ARHGAP44: variants seen among roughly 807,000 people sequenced by gnomAD.
ARHGAP44 encodes the protein Rho GTPase activating protein 44, also known as rho GTPase-activating protein 44.
ARHGAP44 carries 43 observed loss-of-function variants against 106.8 expected under a neutral mutation model. That is an observed-to-expected ratio of 0.40 (90% confidence interval 0.32 to 0.52). The LOEUF (loss-of-function observed/expected upper bound fraction) is 0.52. ARHGAP44 is among the 20% of genes least tolerant of loss of function. The pLI is 0.48. For synonymous variants in ARHGAP44, 439 were observed against 410.3 expected, an observed-to-expected ratio of 1.07 and a Z score of -0.85; for missense variants, 866 against 1,050.5, an observed-to-expected ratio of 0.82 and a Z score of 2.43.
chr17:12,983,139 C>T (rs2039872984), intron 19 of ARHGAP44: 1 of 152,168 alleles, frequency 6.6e-6, no homozygotes, highest in Non-Finnish European at 1.5e-5. Flanking sequence ...GTGGCAGGCG[C>T]CTGTAGTCCC....
chr17:12,871,835 C>T (rs1002441138), intron 1 of ARHGAP44, among the ~76,000 whole-genome samples: 1 of 152,086 alleles, frequency 6.6e-6, no homozygotes, highest in Non-Finnish European at 1.5e-5. Flanking sequence ...GTGCCTGTTT[C>T]CCCTTCACCT....
intron 1 of ARHGAP44, among the ~76,000 whole-genome samples, chr17:12,793,640 G>C (rs1224829568): frequency 6.6e-6 from 1 of 152,008 alleles, no homozygotes; most frequent in Non-Finnish European, 1.5e-5. Flanking sequence ...CCCGGGAGGT[G>C]GAGGTTGCAG....
intron 1 of ARHGAP44, among the ~76,000 whole-genome samples, chr17:12,855,242 GATA>G (rs1296634263): frequency 1.3e-5 from 2 of 152,116 alleles, no homozygotes; most frequent in African/African-American, 4.8e-5. Context: ...CATCTCTAAA[GATA>G]ATAAATAAAT....
chr17:12,842,639 T>C (rs940348252), intron 1 of ARHGAP44, among the ~76,000 whole-genome samples: 4 of 152,102 alleles, frequency 2.6e-5, no homozygotes, highest in Admixed American at 1.3e-4. Flanking sequence ...CCAGGTGTTC[T>C]AATGCTGGAG....
chr17:12,892,242 T>C (rs1300699178), intron 1 of ARHGAP44, among the ~76,000 whole-genome samples: 1 of 152,232 alleles, frequency 6.6e-6, no homozygotes, highest in Non-Finnish European at 1.5e-5. Context: ...ACAGTTTCTT[T>C]CTTTCAACCC....
Position 12,974,215 on chromosome 17 carries a change from G to T in ARHGAP44, c.1668G>T (p.Leu556=). 3 of 1,546,796 alleles carry T rather than the reference G, an allele frequency of 1.9e-6. No individual in the cohort carries two copies. The highest frequency in any genetic ancestry group is 1.4e-5 in the African/African-American group (1 of 73,032). The change falls in exon 18 of 21, where the codon CTG becomes CTT. Residue 556 remains leucine (L), a synonymous_variant. Transcript: ENST00000379672. ...CGCCCGCCGAGCTGGCTGCGCCCCTGCCTTCGCCGCTGCCGGAGCAGCCCC... is the reference window on the plus strand; with the variant it reads ...CGCCCGCCGAGCTGGCTGCGCCCCTTCCTTCGCCGCTGCCGGAGCAGCCCC... ...PAPPAELAAP[L]PSPLPEQPLD... is the part of the protein sequence containing the mutation.
intron 1 of ARHGAP44, among the ~76,000 whole-genome samples, chr17:12,888,682 G>C (rs2036952643): frequency 6.6e-6 from 1 of 152,020 alleles, no homozygotes; most frequent in Non-Finnish European, 1.5e-5. Context: ...TGAGAGAGAA[G>C]GTGTTGAAGT....
chr17:12,987,048 A>G, intron 20 of ARHGAP44: 3 of 1,141,616 alleles, frequency 2.6e-6, no homozygotes, highest in East Asian at 3.0e-5. Flanking sequence ...TGTGACGTTC[A>G]TGTTTTGTCG....
intron 1 of ARHGAP44, among the ~76,000 whole-genome samples, chr17:12,886,677 C>T (rs117991547): frequency 0.015 from 2,209 of 152,016 alleles, 40 homozygotes; most frequent in South Asian, 0.043. Context: ...ATTAGTTCTA[C>T]GAATTTTTTT....
intron 1 of ARHGAP44, among the ~76,000 whole-genome samples, chr17:12,814,625 G>A (rs1014465648): frequency 6.6e-6 from 1 of 152,026 alleles, no homozygotes; most frequent in Non-Finnish European, 1.5e-5. Flanking sequence ...TGAAAGACAA[G>A]CAAGTTCATA....
Position 12,944,139 on chromosome 17 carries a change from C to G in ARHGAP44, c.804C>G (p.Ile268Met). Reference protein sequence around the residue: ...EEHLTISGREIAFPIEACVTM... With the variant: ...EEHLTISGREMAFPIEACVTM... ...ACCTCACCATCAGCGGCCGGGAGATCGCCTTCCCCATCGAGGCGTGTGTGA... is the reference window on the plus strand; with the variant it reads ...ACCTCACCATCAGCGGCCGGGAGATGGCCTTCCCCATCGAGGCGTGTGTGA... The change falls in exon 10 of 21, where the codon ATC becomes ATG. Residue 268 changes from isoleucine (I) to methionine (M), a missense_variant. By Grantham distance (10) the Ile-to-Met change is conservative. This residue lies in a region of ARHGAP44 where 448 missense variants were observed against 646.9 expected (regional missense o/e 0.69). Coordinates refer to ENST00000379672, the MANE Select transcript of ARHGAP44 (RefSeq NM_014859.6). The G allele has an allele frequency of 6.2e-7, 1 of 1,612,774 alleles. No homozygotes were observed. Among genetic ancestry groups the G allele is most frequent in the Non-Finnish European group, 8.5e-7 (1 of 1,179,776 alleles).
rs2038764837 is a variant in ARHGAP44 at position 12,943,682 on chromosome 17, C to T, written c.733+13C>T. 4 of 1,612,808 alleles carry T rather than the reference C, an allele frequency of 2.5e-6. No homozygotes were observed. The highest frequency in any genetic ancestry group is 1.3e-5 in the African/African-American group (1 of 74,914). ...AAAGCACAACAGGGTAAGTGCAGGCCTTCCCTGGAGAAGGGAGGGCCGGGG... is the reference window on the plus strand; with the variant it reads ...AAAGCACAACAGGGTAAGTGCAGGCTTTCCCTGGAGAAGGGAGGGCCGGGG... On this transcript the variant is annotated intron_variant, in intron 9 of 20. Coordinates refer to ENST00000379672, the MANE Select transcript of ARHGAP44 (RefSeq NM_014859.6).
chr17:12,864,263 G>A (rs2036172060), intron 1 of ARHGAP44, among the ~76,000 whole-genome samples: 1 of 152,170 alleles, frequency 6.6e-6, no homozygotes, highest in African/African-American at 2.4e-5. Context: ...GCTAAGCTTA[G>A]TTTTTCATTT....
At chr17:12,868,763 T>C (rs1241506690) in intron 1 of ARHGAP44, among the ~76,000 whole-genome samples, 1 of 151,144 alleles carries the variant, frequency 6.6e-6, no homozygotes, top group Non-Finnish European at 1.5e-5. Context: ...GTTCAAGCAG[T>C]TCTCCTGCCT....
At chr17:12,904,877 A>G (rs930849772) in intron 3 of ARHGAP44, among the ~76,000 whole-genome samples, 7 of 151,994 alleles carry the variant, frequency 4.6e-5, no homozygotes, top group Non-Finnish European at 8.8e-5. Context: ...TTTTTACTAT[A>G]AATCCTCTAG....
intron 1 of ARHGAP44, among the ~76,000 whole-genome samples, chr17:12,841,639 C>CACACACAAAAAAAAAA (rs1555546108): frequency 1.5e-5 from 2 of 137,464 alleles, no homozygotes; most frequent in Admixed American, 7.1e-5. Flanking sequence ...CACACACACA[C>CACACACAAAAAAAAAA]AAACAAACAA....
chr17:12,902,548 A>T (rs1016320872), intron 3 of ARHGAP44, among the ~76,000 whole-genome samples: 1 of 152,226 alleles, frequency 6.6e-6, no homozygotes, highest in Non-Finnish European at 1.5e-5. Context: ...TGCCTAAAAA[A>T]GAGCCTGCCC....
intron 9 of ARHGAP44, 39 bp from the exon 10 acceptor site, chr17:12,944,030 G>A (rs1481453908): frequency 2.6e-6 from 4 of 1,555,670 alleles, no homozygotes; most frequent in Non-Finnish European, 3.5e-6. Flanking sequence ...AGTGAACTTG[G>A]CGAACAGCTG....
intron 1 of ARHGAP44, among the ~76,000 whole-genome samples, chr17:12,868,244 A>G (rs1280101659): frequency 2.0e-5 from 3 of 152,002 alleles, no homozygotes; most frequent in African/African-American, 7.3e-5. Context: ...GTGTGTCTGT[A>G]TCCTTGTCAC....
Sources: gnomAD v4.1 joint callset for allele counts (sites outside exome capture counted in the v4.1 genomes callset) on GRCh38, gnomAD v4.1.1 for gene constraint, gnomAD v4.1.1 regional missense constraint, MANE v1.5 for transcripts, NCBI Gene and HGNC (gene_info 2026-07-23, HGNC 2026-07-21) for gene names.